The following NOX4 variants were observed in gnomAD, a reference collection of about 807,000 sequenced individuals.
NOX4 encodes kidney oxidase-1.
In NOX4, 69 loss-of-function variants were observed where a neutral mutation model predicts 87.6. The observed-to-expected ratio is 0.79, with a 90% CI of 0.65 to 0.96. NOX4 has a LOEUF of 0.96. NOX4 is among the 40% of genes least tolerant of loss of function. The pLI, the probability that NOX4 is intolerant of heterozygous loss-of-function variation, is 0.00. For missense variants in NOX4, 680 were observed against 681.5 expected, an observed-to-expected ratio of 1.00 and a Z score of 0.02; for synonymous variants, 275 against 238.2, an observed-to-expected ratio of 1.15 and a Z score of -1.42.
the NOX4 span, among the ~76,000 whole-genome samples, chr11:89,536,023 C>T: frequency 6.6e-6 from 1 of 151,944 alleles, no homozygotes. Flanking sequence ...AATATGCTCC[C>T]GGGGTTTTCT....
intron 2 of NOX4, among the ~76,000 whole-genome samples, chr11:89,487,205 C>T (rs530707485): frequency 1.6e-4 from 24 of 152,164 alleles, no homozygotes; most frequent in African/African-American, 2.4e-5. Flanking sequence ...GGTATTTCAG[C>T]GAGTCATACA....
chr11:89,345,087 A>C (rs1946158517), intron 13 of NOX4, among the ~76,000 whole-genome samples: 1 of 152,188 alleles, frequency 6.6e-6, no homozygotes, highest in Non-Finnish European at 1.5e-5. Context: ...AATGAGTTTA[A>C]AAAGCCCATG....
At chr11:89,560,121 A>C in the NOX4 span, among the ~76,000 whole-genome samples, 2 of 151,838 alleles carry the variant, frequency 1.3e-5, no homozygotes, top group East Asian at 3.9e-4. Context: ...TTGGACACAG[A>C]CACACACACA....
chr11:89,553,503 G>GA, the NOX4 span, among the ~76,000 whole-genome samples: 3 of 152,066 alleles, frequency 2.0e-5, no homozygotes, highest in African/African-American at 4.8e-5. Context: ...ATAGCAGTGT[G>GA]AAAACAAACT....
chr11:89,335,976 T>C (rs12804166), intron 16 of NOX4, 31 bp from the exon 17 acceptor site: 2 of 1,365,618 alleles, frequency 1.5e-6, no homozygotes, highest in Admixed American at 3.8e-5. Flanking sequence ...CATTATTCGA[T>C]ATTTAGTTAA....
intron 6 of NOX4, among the ~76,000 whole-genome samples, chr11:89,438,860 AT>A (rs1565293725): frequency 1.2e-3 from 54 of 43,694 alleles, no homozygotes; most frequent in Middle Eastern, 0.026. Flanking sequence ...ATAATATATT[AT>A]ATATTATATA....
chr11:89,533,436 G>A, the NOX4 span, among the ~76,000 whole-genome samples: 1 of 151,218 alleles, frequency 6.6e-6, no homozygotes, highest in East Asian at 2.0e-4. Flanking sequence ...CAAGCCAGAT[G>A]TAATAATAGA....
intron 2 of NOX4, among the ~76,000 whole-genome samples, chr11:89,477,728 T>C (rs573631232): frequency 6.6e-6 from 1 of 152,232 alleles, no homozygotes; most frequent in South Asian, 2.1e-4. Flanking sequence ...TACTCTCCTA[T>C]AAAATGGGTC....
intron 9 of NOX4, among the ~76,000 whole-genome samples, 170 bp downstream of exon 9, chr11:89,402,156 T>C (rs934419998): frequency 4.6e-5 from 7 of 152,134 alleles, no homozygotes; most frequent in Non-Finnish European, 5.9e-5. Flanking sequence ...ACCTTTTGCA[T>C]TGAACTCTCA....
chr11:89,529,938 A>G, the NOX4 span, among the ~76,000 whole-genome samples: 1 of 152,194 alleles, frequency 6.6e-6, no homozygotes, highest in Non-Finnish European at 1.5e-5. Context: ...TGCTTTACAC[A>G]TAGATAAAAC....
In NOX4 at chr11:89,490,475, G is replaced by A. The variant is rs765156309; in HGVS notation, c.136C>T (p.Leu46Phe). 2 of 1,612,626 alleles carry A rather than the reference G, an allele frequency of 1.2e-6. No individual in the cohort carries two copies. Among genetic ancestry groups the A allele is most frequent in the South Asian group, 2.2e-5 (2 of 91,036 alleles). The change falls in exon 2 of 18, where the codon CTC becomes TTC. Residue 46 changes from leucine (L) to phenylalanine (F), a missense_variant. By Grantham distance (22) the Leu-to-Phe change is conservative. Transcript: ENST00000263317. ...LYNQGPEYHY[L>F]HQMLGLGLCL... The stretch of plus-strand genomic sequence containing the variant: ...TTACTTACCCCCAACATCTGGTGGA[G>A]GTAGTGATACTCTGGCCCTTGGTTA...
At chr11:89,430,464 C>T (rs1454642560) in intron 7 of NOX4, among the ~76,000 whole-genome samples, 1 of 152,214 alleles carries the variant, frequency 6.6e-6, no homozygotes, top group Non-Finnish European at 1.5e-5. Context: ...CCTATCATCT[C>T]AGCCCAAAAT....
intron 15 of NOX4, among the ~76,000 whole-genome samples, chr11:89,337,837 ATTCC>A (rs922558170): frequency 5.9e-5 from 9 of 152,020 alleles, no homozygotes; most frequent in African/African-American, 1.9e-4. Context: ...TCCTTATTTT[ATTCC>A]TTAAGAGTCT....
At chr11:89,410,568 C>T (rs1436104638) in intron 8 of NOX4, among the ~76,000 whole-genome samples, 1 of 152,050 alleles carries the variant, frequency 6.6e-6, no homozygotes, top group African/African-American at 2.4e-5. Flanking sequence ...GGTTGGAACT[C>T]GCAGATACAT....
chr11:89,409,179 A>T (rs544014956), intron 8 of NOX4, among the ~76,000 whole-genome samples: 1 of 152,254 alleles, frequency 6.6e-6, no homozygotes, highest in Non-Finnish European at 1.5e-5. Flanking sequence ...AGGATAAAAT[A>T]TTTATTTCAT....
chr11:89,397,823 A>T (rs551679381), intron 11 of NOX4, among the ~76,000 whole-genome samples: 2 of 152,246 alleles, frequency 1.3e-5, no homozygotes, highest in South Asian at 4.1e-4. Context: ...GCAGTAATTA[A>T]CAGCTTCCCA....
the NOX4 span, among the ~76,000 whole-genome samples, chr11:89,514,739 T>C: frequency 1.3e-5 from 2 of 152,034 alleles, no homozygotes; most frequent in Non-Finnish European, 2.9e-5. Context: ...ATCATGTTTT[T>C]TGTTCTATTA....
At chr11:89,345,373 A>C (rs1946172986) in intron 13 of NOX4, among the ~76,000 whole-genome samples, 1 of 152,190 alleles carries the variant, frequency 6.6e-6, no homozygotes, top group Admixed American at 6.5e-5. Context: ...GAGTGAAAGC[A>C]ATATGTATTC....
chr11:89,392,890 GCAGAATCCTCATAA>G (rs1941225270), intron 11 of NOX4, among the ~76,000 whole-genome samples: 1 of 152,084 alleles, frequency 6.6e-6, no homozygotes, highest in African/African-American at 2.4e-5. Context: ...GAGTACTTTA[GCAGAATCCTCATAA>G]CAGAGACCAT....
Sources: allele counts gnomAD v4.1 joint callset (sites outside exome capture counted in the v4.1 genomes callset), GRCh38; gene constraint gnomAD v4.1.1; transcripts MANE v1.5; gene names NCBI Gene and HGNC (gene_info 2026-07-23, HGNC 2026-07-21).